TMEM123: variants seen among roughly 807,000 people sequenced by gnomAD.
The protein encoded by TMEM123 is transmembrane protein 123, also known as porimin.
In TMEM123, 16 loss-of-function variants were observed where a neutral mutation model predicts 19.7. The ratio of observed to expected loss-of-function variants is 0.81; its 90% CI spans 0.55 to 1.23. The LOEUF is 1.23. Among genes scored for constraint, TMEM123 ranks in the 50% most tolerant of loss-of-function variants. The pLI is 0.00. For missense variants in TMEM123, 313 were observed against 257.8 expected (o/e 1.21, Z -1.47); for synonymous variants, 118 against 99.4 (o/e 1.19, Z -1.12).
At chr11:102,429,575 A>C (rs908500781) in intron 2 of TMEM123, among the ~76,000 whole-genome samples, 2 of 152,200 alleles carry the variant, frequency 1.3e-5, no homozygotes, top group African/African-American at 4.8e-5. Flanking sequence ...AACAAACATA[A>C]AAGCATGAAT....
At chr11:102,401,078 C>G (rs115349957) in intron 4 of TMEM123, among the ~76,000 whole-genome samples, 7,327 of 152,174 alleles carry the variant, frequency 0.048, 222 homozygotes, top group Non-Finnish European at 0.073. Flanking sequence ...TTTATACTAA[C>G]CACTCATTTA....
At position 102,398,815 on chromosome 11, in the gene TMEM123, T is replaced by A; in HGVS notation, c.*52A>T. 1 of 1,584,660 alleles carries A rather than the reference T, an allele frequency of 6.3e-7. No individual in the cohort carries two copies. Among genetic ancestry groups the A allele is most frequent in the South Asian group, 1.2e-5 (1 of 86,350 alleles). On this transcript the variant is annotated 3_prime_UTR_variant, in exon 5 of 5. Coordinates refer to ENST00000398136, the MANE Select transcript of TMEM123 (RefSeq NM_052932.3). ...TTTTAAACTATTAATAAACCAAAAT[T>A]AATTGATAGGGCAGCATCAATCTGT... is the stretch of plus-strand genomic sequence containing the variant.
intron 2 of TMEM123, among the ~76,000 whole-genome samples, chr11:102,409,659 G>A (rs1288304763): frequency 6.6e-6 from 1 of 152,062 alleles, no homozygotes; most frequent in Non-Finnish European, 1.5e-5. Flanking sequence ...CAGATCACCC[G>A]AGTCAGGAAT....
intron 4 of TMEM123, among the ~76,000 whole-genome samples, chr11:102,400,472 G>A (rs765667475): frequency 6.6e-6 from 1 of 152,060 alleles, no homozygotes; most frequent in African/African-American, 2.4e-5. Context: ...TGTGTGTGTG[G>A]GACACATGTA....
chr11:102,409,599 GCT>G (rs1044599697), intron 2 of TMEM123, among the ~76,000 whole-genome samples: 5 of 152,108 alleles, frequency 3.3e-5, no homozygotes, highest in African/African-American at 1.2e-4. Context: ...GGGTGTGGTG[GCT>G]CATACCTGTA....
intron 2 of TMEM123, among the ~76,000 whole-genome samples, chr11:102,410,192 G>C (rs1951992353): frequency 6.7e-6 from 1 of 149,434 alleles, no homozygotes; most frequent in East Asian, 1.9e-4. Context: ...ATAAATGAAA[G>C]AGGCACTTCC....
Position 102,424,620 on chromosome 11 carries a change from C to T in TMEM123, c.158-22414G>A, listed in dbSNP as rs574893030. Among the ~76,000 whole-genome samples, 7 of 152,058 alleles carry T rather than the reference C, an allele frequency of 4.6e-5. No individual in the cohort carries two copies. The South Asian group carries it at 1.5e-3, about 32-fold the overall frequency. On this transcript the variant is annotated intron_variant, in intron 2 of 4. Coordinates refer to ENST00000398136, the MANE Select transcript of TMEM123 (RefSeq NM_052932.3). Reference sequence around the variant, plus strand: ...GGGAGAATCGCTTGAACCCAGGAGGCGGAGTCTGCAATGAGCAAAGACTGC... The same window carrying T: ...GGGAGAATCGCTTGAACCCAGGAGGTGGAGTCTGCAATGAGCAAAGACTGC...
At position 102,396,615 on chromosome 11, in the gene TMEM123, C is replaced by G. The variant is rs1387651572; in HGVS notation, c.*2252G>C. 6.6e-6 allele frequency: 1 copy of G among 152,108 alleles called. No homozygotes were observed. The highest frequency in any genetic ancestry group is 1.5e-5 in the Non-Finnish European group (1 of 68,024). 9.4% of individuals were successfully genotyped at this position (152,108 alleles called of 1,614,324 possible). A position where few individuals can be genotyped will look rare whatever the true frequency, so the allele number is the denominator to read the frequency against. On this transcript the variant is annotated 3_prime_UTR_variant, in exon 5 of 5. Coordinates refer to ENST00000398136, the MANE Select transcript of TMEM123 (RefSeq NM_052932.3). The stretch of plus-strand genomic sequence containing the variant: ...ACATTCTCAAGGAATGCAAGCAAAA[C>G]TGAGCATTTTTTTTATGCTTAAGAA...
intron 2 of TMEM123, among the ~76,000 whole-genome samples, chr11:102,432,455 T>C (rs571375892): frequency 1.3e-5 from 2 of 152,338 alleles, no homozygotes; most frequent in South Asian, 4.1e-4. Flanking sequence ...CCTAGAGATC[T>C]GTGGAACTAG....
intron 4 of TMEM123, among the ~76,000 whole-genome samples, chr11:102,399,208 G>T (rs1951888427): frequency 6.6e-6 from 1 of 152,196 alleles, no homozygotes; most frequent in Non-Finnish European, 1.5e-5. Context: ...ACTCTAGGAG[G>T]TCAGAAAGGA....
chr11:102,444,543 T>TG (rs1857862009), intron 2 of TMEM123, among the ~76,000 whole-genome samples: 1 of 101,986 alleles, frequency 9.8e-6, no homozygotes, highest in Non-Finnish European at 1.9e-5. Context: ...GGGCCTGTCG[T>TG]GGGTGGGGGT....
At chr11:102,424,417 G>A (rs1353764838) in intron 2 of TMEM123, among the ~76,000 whole-genome samples, 3 of 152,216 alleles carry the variant, frequency 2.0e-5, no homozygotes, top group Non-Finnish European at 2.9e-5. Flanking sequence ...CAGGCACAGT[G>A]GCTCACGCCT....
At position 102,415,707 on chromosome 11, in the gene TMEM123, C is replaced by G. The variant is rs560111908; in HGVS notation, c.158-13501G>C. The stretch of plus-strand genomic sequence containing the variant: ...AGAGGAAAGTTTACAGCTCTAAATG[C>G]CCACATGAAAATGTTAGAAAGACCT... On this transcript the variant is annotated intron_variant, in intron 2 of 4. Coordinates refer to ENST00000398136, the MANE Select transcript of TMEM123 (RefSeq NM_052932.3). Among the ~76,000 whole-genome samples, 3 of 152,234 alleles carry G rather than the reference C, an allele frequency of 2.0e-5. No homozygotes were observed. The East Asian group carries it at 5.8e-4, about 29-fold the overall frequency.
intron 2 of TMEM123, 131 bp from the exon 3 acceptor site, chr11:102,402,337 C>T: frequency 1.1e-6 from 1 of 889,764 alleles, no homozygotes. Context: ...ACATACTTAG[C>T]CCATTAATAC....
chr11:102,402,771 A>C (rs1368785205), intron 2 of TMEM123, among the ~76,000 whole-genome samples: 1 of 152,270 alleles, frequency 6.6e-6, no homozygotes, highest in Non-Finnish European at 1.5e-5. Flanking sequence ...ATACCATCAC[A>C]GAATGTGGCT....
intron 2 of TMEM123, among the ~76,000 whole-genome samples, chr11:102,434,657 C>T (rs1036059054): frequency 2.8e-4 from 42 of 151,906 alleles, no homozygotes; most frequent in African/African-American, 9.9e-4. Context: ...TATCATTGCC[C>T]AGACCAATGT....
At chr11:102,439,284 A>T (rs1314773202) in intron 2 of TMEM123, among the ~76,000 whole-genome samples, 1 of 152,156 alleles carries the variant, frequency 6.6e-6, no homozygotes, top group Non-Finnish European at 1.5e-5. Flanking sequence ...GAGAACGGAC[A>T]GACTGCCTCC....
chr11:102,420,636 C>T (rs1332470879), intron 2 of TMEM123, among the ~76,000 whole-genome samples: 1 of 152,188 alleles, frequency 6.6e-6, no homozygotes, highest in Non-Finnish European at 1.5e-5. Context: ...TAAGGAGTCC[C>T]TGCACTTCAT....
At chr11:102,448,992 A>G in intron 1 of TMEM123, 124 bp from the exon 2 acceptor site, 1 of 935,338 alleles carries the variant, frequency 1.1e-6, no homozygotes, top group Non-Finnish European at 1.7e-6. Context: ...TTCCACAGGA[A>G]GTTCTACTTT....
Sources: gnomAD v4.1 joint callset for allele counts (sites outside exome capture counted in the v4.1 genomes callset) on GRCh38, gnomAD v4.1.1 for gene constraint, MANE v1.5 for transcripts, NCBI Gene and HGNC (gene_info 2026-07-23, HGNC 2026-07-21) for gene names.